UBAC2: variants seen among roughly 807,000 people sequenced by gnomAD.
UBAC2 encodes UBA domain containing 2.
Under a neutral mutation model 44.0 loss-of-function variants are expected in UBAC2, and 26 were observed. The ratio of observed to expected loss-of-function variants is 0.59; its 90% CI spans 0.43 to 0.82. The LOEUF (loss-of-function observed/expected upper bound fraction) is 0.82, where lower values mean the gene tolerates loss of function less well. UBAC2 is among the 40% of genes least tolerant of loss of function. The pLI, the probability that UBAC2 is intolerant of heterozygous loss-of-function variation, is 0.00. For synonymous variants in UBAC2, 155 were observed against 154.3 expected (o/e 1.00, Z -0.04); for missense variants, 329 against 419.4 (o/e 0.78, Z 1.88).
chr13:99,362,078 TTTATTTATA>T (rs1434253869), intron 7 of UBAC2, among the ~76,000 whole-genome samples: 1 of 152,208 alleles, frequency 6.6e-6, no homozygotes, highest in African/African-American at 2.4e-5. Flanking sequence ...AGTATTACAT[TTTATTTATA>T]TTATTTACAT....
chr13:99,259,897 T>C (rs535489536), intron 4 of UBAC2, among the ~76,000 whole-genome samples: 11 of 152,356 alleles, frequency 7.2e-5, no homozygotes, highest in African/African-American at 2.6e-4. Flanking sequence ...AGGGGCATTC[T>C]TGTTTCTGAA....
At chr13:99,335,464 C>T (rs2044774261) in intron 6 of UBAC2, among the ~76,000 whole-genome samples, 1 of 151,892 alleles carries the variant, frequency 6.6e-6, no homozygotes, top group African/African-American at 2.4e-5. Context: ...CTACCCCCTA[C>T]CCTGTCCCCC....
intron 4 of UBAC2, among the ~76,000 whole-genome samples, chr13:99,279,678 C>T (rs2043928184): frequency 6.6e-6 from 1 of 152,196 alleles, no homozygotes; most frequent in African/African-American, 2.4e-5. Context: ...AAATTTATTT[C>T]TCACAGTTCT....
intron 4 of UBAC2, among the ~76,000 whole-genome samples, chr13:99,261,204 G>C (rs962979303): frequency 2.0e-5 from 3 of 152,212 alleles, no homozygotes; most frequent in African/African-American, 7.2e-5. Flanking sequence ...CCAGCAGGGG[G>C]ACAGTCAGCA....
chr13:99,261,319 C>G (rs2043657796), intron 4 of UBAC2, among the ~76,000 whole-genome samples: 1 of 152,180 alleles, frequency 6.6e-6, no homozygotes, highest in Non-Finnish European at 1.5e-5. Context: ...CCTTTGTCCC[C>G]TCCTTTCTGT....
intron 8 of UBAC2, among the ~76,000 whole-genome samples, chr13:99,374,915 C>T (rs1037474597): frequency 6.6e-6 from 1 of 152,270 alleles, no homozygotes. Flanking sequence ...GAAGGTGTGG[C>T]CAGTAAACTT....
At chr13:99,238,363 A>G in intron 1 of UBAC2, 64 bp from the exon 2 acceptor site, 1 of 1,556,928 alleles carries the variant, frequency 6.4e-7, no homozygotes, top group East Asian at 2.3e-5. Context: ...CTTGCTTTTC[A>G]CGCATGTGGT....
chr13:99,273,684 C>A (rs1016925996), intron 4 of UBAC2, among the ~76,000 whole-genome samples: 2 of 152,062 alleles, frequency 1.3e-5, no homozygotes, highest in African/African-American at 4.8e-5. Flanking sequence ...TGAATCCAAG[C>A]AGATTCATCC....
At chr13:99,320,085 T>C (rs892929527) in intron 6 of UBAC2, among the ~76,000 whole-genome samples, 10 of 152,248 alleles carry the variant, frequency 6.6e-5, no homozygotes, top group African/African-American at 1.7e-4. Context: ...GTAACTCTTA[T>C]GTGACTCAGT....
chr13:99,266,242 A>G (rs2043742440), intron 4 of UBAC2, among the ~76,000 whole-genome samples: 1 of 151,878 alleles, frequency 6.6e-6, no homozygotes, highest in Admixed American at 6.6e-5. Flanking sequence ...AGCTTTATAT[A>G]ATAGATATGA....
At chr13:99,215,215 T>G (rs777674805) in intron 1 of UBAC2, among the ~76,000 whole-genome samples, 14 of 152,206 alleles carry the variant, frequency 9.2e-5, no homozygotes, top group Non-Finnish European at 1.8e-4. Context: ...ATGCAGAAAT[T>G]TGGTTGGAAA....
chr13:99,203,153 CA>C (rs2042826997), intron 1 of UBAC2, among the ~76,000 whole-genome samples: 1 of 152,108 alleles, frequency 6.6e-6, no homozygotes, highest in South Asian at 2.1e-4. Flanking sequence ...TCTCCCGCCT[CA>C]GCCTCCCAAG....
At chr13:99,371,295 G>T (rs529260437) in intron 8 of UBAC2, among the ~76,000 whole-genome samples, 1 of 152,258 alleles carries the variant, frequency 6.6e-6, no homozygotes, top group African/African-American at 2.4e-5. Context: ...AAAAACATGA[G>T]GGGTTGTTTT....
At chr13:99,348,420 G>A (rs1042070269) in intron 7 of UBAC2, among the ~76,000 whole-genome samples, 4 of 152,172 alleles carry the variant, frequency 2.6e-5, no homozygotes, top group Non-Finnish European at 5.9e-5. Context: ...GGCCAGCATT[G>A]GGGCAGGTGT....
chr13:99,219,444 T>G (rs11617167), intron 1 of UBAC2, among the ~76,000 whole-genome samples: 14,343 of 152,276 alleles, frequency 0.094, 736 homozygotes, highest in East Asian at 0.13. Context: ...GCAGAACATT[T>G]TATCACGCCA....
intron 6 of UBAC2, among the ~76,000 whole-genome samples, chr13:99,327,604 C>T (rs1213707592): frequency 6.6e-6 from 1 of 151,874 alleles, no homozygotes; most frequent in Non-Finnish European, 1.5e-5. Context: ...ATTAACATGT[C>T]GTTTTGAATT....
chr13:99,372,844 G>C (rs1482578335), intron 8 of UBAC2, among the ~76,000 whole-genome samples: 1 of 152,220 alleles, frequency 6.6e-6, no homozygotes, highest in Non-Finnish European at 1.5e-5. Context: ...GCCGGGCGCG[G>C]TGGCCCACAC....
chr13:99,326,660 A>ATT (rs2044644143), intron 6 of UBAC2, among the ~76,000 whole-genome samples: 1 of 152,124 alleles, frequency 6.6e-6, no homozygotes, highest in South Asian at 2.1e-4. Flanking sequence ...TGCCTATTTT[A>ATT]AAGATAGGGA....
intron 6 of UBAC2, among the ~76,000 whole-genome samples, chr13:99,331,290 T>A (rs1408815893): frequency 6.6e-6 from 1 of 152,258 alleles, no homozygotes; most frequent in Non-Finnish European, 1.5e-5. Flanking sequence ...TTTTTAAATA[T>A]GAAGGTGAAA....
Sources: gnomAD v4.1 joint callset for allele counts (sites outside exome capture counted in the v4.1 genomes callset) on GRCh38, gnomAD v4.1.1 for gene constraint, MANE v1.5 for transcripts, NCBI Gene and HGNC (gene_info 2026-07-23, HGNC 2026-07-21) for gene names.